Variants in CD96 observed in about 807,000 individuals in gnomAD.
CD96 encodes the protein T-cell surface protein tactile.
A neutral mutation model predicts 71.3 loss-of-function variants in CD96; 70 were observed. The observed-to-expected ratio is 0.98, with a 90% CI of 0.81 to 1.20. The LOEUF is 1.20. CD96 is among the 50% of genes most tolerant of loss of function. CD96 has a pLI of 0.00. For missense variants in CD96, 742 were observed against 677.5 expected, an observed-to-expected ratio of 1.10 and a Z score of -1.06; for synonymous variants, 248 against 233.0, an observed-to-expected ratio of 1.06 and a Z score of -0.59.
At chr3:111,569,152 T>C (rs1050343068) in intron 3 of CD96, among the ~76,000 whole-genome samples, 4 of 152,166 alleles carry the variant, frequency 2.6e-5, no homozygotes, top group African/African-American at 4.8e-5. Flanking sequence ...CTAGACCCTA[T>C]ATATAAAAAC....
chr3:111,581,812 G>T (rs892298000), intron 4 of CD96, among the ~76,000 whole-genome samples: 3 of 152,174 alleles, frequency 2.0e-5, no homozygotes, highest in African/African-American at 7.2e-5. Context: ...AGTGTTTCAG[G>T]TTGTATCTTG....
At chr3:111,654,523 C>T (rs1021167018), downstream of CD96, among the ~76,000 whole-genome samples, 2 of 152,214 alleles carry the variant, frequency 1.3e-5, no homozygotes. Flanking sequence ...CCTCAGACAG[C>T]ATCTTTGTAT....
intron 2 of CD96, among the ~76,000 whole-genome samples, chr3:111,552,408 C>T (rs1200185482): frequency 6.6e-6 from 1 of 152,126 alleles, no homozygotes; most frequent in South Asian, 2.1e-4. Flanking sequence ...AGACACCAAA[C>T]CTGCCGATGT....
At chr3:111,606,053 T>C (rs1208752917) in intron 7 of CD96, among the ~76,000 whole-genome samples, 1 of 152,132 alleles carries the variant, frequency 6.6e-6, no homozygotes, top group African/African-American at 2.4e-5. Context: ...ATTTAAGGAA[T>C]TGACATAAAT....
intron 14 of CD96, among the ~76,000 whole-genome samples, chr3:111,662,607 A>G (rs958671311): frequency 1.3e-5 from 2 of 152,240 alleles, no homozygotes; most frequent in Non-Finnish European, 2.9e-5. Flanking sequence ...ATTCTAAATC[A>G]TCTCTCTTAA....
rs139639575 is a variant in CD96, at chr3:111,567,635, T to C, written c.531T>C (p.Tyr177=). The stretch of plus-strand genomic sequence containing the variant: ...CAAAAATTTCATCTGAGTTCACCTA[T>C]GCATGGTCGGTGGTAAGTGTTGCCC... ...SSSKISSEFT[Y]AWSVEDNGTQ... The change falls in exon 3 of 14, where the codon TAT becomes TAC. Residue 177 remains tyrosine (Y), a synonymous_variant. Coordinates refer to ENST00000352690, the MANE Select transcript of CD96 (RefSeq NM_005816.5). 26 of 1,613,232 alleles carry C rather than the reference T, an allele frequency of 1.6e-5. No homozygotes were observed. In the African/African-American group the frequency reaches 3.1e-4, roughly 19 times the overall value.
At chr3:111,619,361 G>GC (rs1371929739) in intron 8 of CD96, among the ~76,000 whole-genome samples, 3 of 152,168 alleles carry the variant, frequency 2.0e-5, no homozygotes, top group African/African-American at 7.2e-5. Context: ...CCATTTCTGA[G>GC]CTAGTATAAA....
intron 12 of CD96, among the ~76,000 whole-genome samples, 182 bp from the exon 13 acceptor site, chr3:111,647,361 G>A (rs1017923658): frequency 7.2e-5 from 11 of 152,202 alleles, no homozygotes; most frequent in Admixed American, 2.0e-4. Context: ...GGTAGGGTAC[G>A]TAATTAACTC....
intron 8 of CD96, among the ~76,000 whole-genome samples, chr3:111,613,550 C>G (rs1021861452): frequency 2.0e-5 from 3 of 152,190 alleles, no homozygotes; most frequent in Non-Finnish European, 2.9e-5. Flanking sequence ...GAAGCTGATT[C>G]AAATGATGAA....
rs59853606 is a variant in CD96 at position 111,639,935 on chromosome 3, G to A, written c.1477+1767G>A. The stretch of plus-strand genomic sequence containing the variant: ...CCACATCCATAGGAAAAGGGGGAGC[G>A]TCTACATCAAGGGAACACCCAGTGG... On this transcript the variant is annotated intron_variant, in intron 12 of 13. Transcript: ENST00000352690. Among the ~76,000 whole-genome samples the A allele has an allele frequency of 3.3e-3, 507 of 152,272 alleles. 3 individuals carry two copies. Among genetic ancestry groups the A allele is most frequent in the African/African-American group, 0.012 (481 of 41,558 alleles).
chr3:111,594,192 G>A lies in CD96; in HGVS notation c.808-3928G>A, dbSNP rs199851744. 8.8e-5 allele frequency: 140 copies of A among 1,591,948 alleles called. 2 individuals are homozygous for A. The highest frequency in any genetic ancestry group is 5.5e-4 in the South Asian group (48 of 86,604). ...GTTCCCTCCTCTTCCTCGTCTTCCCGCCTCATCATGTCACCTCTTCTACAG... is the reference window on the plus strand; with the variant it reads ...GTTCCCTCCTCTTCCTCGTCTTCCCACCTCATCATGTCACCTCTTCTACAG... On this transcript the variant is annotated intron_variant, in intron 5 of 13. Coordinates refer to ENST00000352690, the MANE Select transcript of CD96 (RefSeq NM_005816.5).
intron 6 of CD96, 131 bp downstream of exon 6, chr3:111,598,341 G>T: frequency 1.5e-6 from 1 of 682,814 alleles, no homozygotes; most frequent in Non-Finnish European, 2.7e-6. Flanking sequence ...ACATCATTCT[G>T]CCTACCAAAT....
At chr3:111,630,754 C>T (rs912098499) in intron 10 of CD96, among the ~76,000 whole-genome samples, 33 of 152,278 alleles carry the variant, frequency 2.2e-4, no homozygotes, top group Admixed American at 3.9e-4. Context: ...ATGCAAAAAT[C>T]CTCAACAAAA....
At chr3:111,657,503 T>G (rs1576442523) in intron 14 of CD96, among the ~76,000 whole-genome samples, 2 of 142,528 alleles carry the variant, frequency 1.4e-5, no homozygotes, top group East Asian at 2.2e-4. Context: ...TAGGGTGGGG[T>G]GGGGGTGGTG....
Position 111,647,696 on chromosome 3 carries a change from A to G in CD96, c.1601+30A>G, listed in dbSNP as rs773426781. 10 of 1,522,558 alleles carry G rather than the reference A, an allele frequency of 6.6e-6. No individual in the cohort carries two copies. The Admixed American group carries it at 8.4e-5, about 13-fold the overall frequency. The allele number at this position is 1,522,558 out of a possible 1,614,324, so 94.3% of individuals were successfully genotyped here. ...GTATAATACTAACATATGTAGGAAC[A>G]GATTAATTTTTCATTATAAAATATT... On this transcript the variant is annotated intron_variant, in intron 13 of 13. Coordinates refer to ENST00000352690, the MANE Select transcript of CD96 (RefSeq NM_005816.5).
intron 5 of CD96, among the ~76,000 whole-genome samples, chr3:111,587,188 C>A (rs533087511): frequency 2.0e-5 from 3 of 152,234 alleles, no homozygotes; most frequent in Admixed American, 6.5e-5. Flanking sequence ...CCAGGTCATA[C>A]AGATGCAAGA....
intron 8 of CD96, among the ~76,000 whole-genome samples, chr3:111,619,246 T>C (rs1052173020): frequency 4.6e-5 from 5 of 108,874 alleles, no homozygotes; most frequent in African/African-American, 1.6e-4. Flanking sequence ...TTTCCAGTGA[T>C]AGCATAAAAG....
chr3:111,655,304 G>T (rs2107806316), downstream of CD96, among the ~76,000 whole-genome samples: 1 of 152,082 alleles, frequency 6.6e-6, no homozygotes, highest in African/African-American at 2.4e-5. Flanking sequence ...GCCAGTTTAG[G>T]GTTTGTAGAT....
chr3:111,608,560 C>T (rs1291536817), intron 8 of CD96, among the ~76,000 whole-genome samples: 5 of 152,176 alleles, frequency 3.3e-5, no homozygotes, highest in African/African-American at 1.2e-4. Flanking sequence ...CTTTAAGACA[C>T]TGAGAGCTTA....
Sources: gnomAD v4.1 joint callset for allele counts (sites outside exome capture counted in the v4.1 genomes callset) on GRCh38, gnomAD v4.1.1 for gene constraint, MANE v1.5 for transcripts, NCBI Gene and HGNC (gene_info 2026-07-23, HGNC 2026-07-21) for gene names.